CBL: variants seen among roughly 807,000 people sequenced by gnomAD.
The protein encoded by CBL is E3 ubiquitin-protein ligase CBL.
Under a neutral mutation model 96.9 loss-of-function variants are expected in CBL, and 45 were observed. The ratio of observed to expected loss-of-function variants is 0.46; its 90% CI spans 0.37 to 0.60. The LOEUF (loss-of-function observed/expected upper bound fraction) is 0.60. CBL is among the 20% of genes least tolerant of loss of function. The pLI, the probability that CBL is intolerant of heterozygous loss-of-function variation, is 0.00. For synonymous variants in CBL, 420 were observed against 426.8 expected, an observed-to-expected ratio of 0.98 and a Z score of 0.20; for missense variants, 1,024 against 1,143.5, an observed-to-expected ratio of 0.90 and a Z score of 1.51.
chr11:119,236,033 G>GT (rs966378244), intron 2 of CBL, among the ~76,000 whole-genome samples: 180 of 151,268 alleles, frequency 1.2e-3, no homozygotes, highest in African/African-American at 3.7e-3. Context: ...TTACTTAGAG[G>GT]TTTTTTTTTC....
intron 2 of CBL, among the ~76,000 whole-genome samples, chr11:119,252,884 GAAAAA>G (rs760152540): frequency 1.5e-5 from 1 of 68,586 alleles, no homozygotes; most frequent in Non-Finnish European, 3.2e-5. Flanking sequence ...TCCATCTCAA[GAAAAA>G]AAAAAAAAAA....
chr11:119,227,633 C>T (rs1354129193), intron 1 of CBL, among the ~76,000 whole-genome samples: 3 of 151,980 alleles, frequency 2.0e-5, no homozygotes, highest in Non-Finnish European at 4.4e-5. Context: ...TCAACGCAAC[C>T]TCTGCCTCCC....
chr11:119,288,964 T>C (rs1248583736), intron 12 of CBL, among the ~76,000 whole-genome samples: 1 of 152,222 alleles, frequency 6.6e-6, no homozygotes, highest in Non-Finnish European at 1.5e-5. Flanking sequence ...ACTTTTTCTA[T>C]GTGTAATTTC....
intron 2 of CBL, among the ~76,000 whole-genome samples, chr11:119,260,959 T>TTTTTTTTTTTTA (rs57372947): frequency 2.0e-5 from 3 of 149,024 alleles, no homozygotes; most frequent in Admixed American, 6.7e-5. Flanking sequence ...TTTTTTTTTT[T>TTTTTTTTTTTTA]AATGGAGGCA....
At chr11:119,212,933 A>G (rs569026497) in intron 1 of CBL, among the ~76,000 whole-genome samples, 26 of 151,178 alleles carry the variant, frequency 1.7e-4, no homozygotes, top group Non-Finnish European at 3.4e-4. Flanking sequence ...AGATCATGCT[A>G]CTGACCTCCA....
intron 2 of CBL, among the ~76,000 whole-genome samples, chr11:119,234,667 A>G (rs1159429203): frequency 6.6e-6 from 1 of 152,202 alleles, no homozygotes; most frequent in Non-Finnish European, 1.5e-5. Flanking sequence ...GCACAGTGAC[A>G]TGCACCTGTA....
At chr11:119,279,941 A>G (rs1949920721) in intron 9 of CBL, among the ~76,000 whole-genome samples, 1 of 152,242 alleles carries the variant, frequency 6.6e-6, no homozygotes, top group South Asian at 2.1e-4. Flanking sequence ...GGAAAAGGAC[A>G]TATGTGCAGG....
intron 2 of CBL, among the ~76,000 whole-genome samples, chr11:119,262,288 A>C (rs1238560430): frequency 6.6e-6 from 1 of 152,222 alleles, no homozygotes; most frequent in African/African-American, 2.4e-5. Flanking sequence ...AGAGGAGACT[A>C]AGGAGATAGG....
chr11:119,222,090 G>A (rs995566211), intron 1 of CBL, among the ~76,000 whole-genome samples: 5 of 152,106 alleles, frequency 3.3e-5, no homozygotes, highest in African/African-American at 1.2e-4. Context: ...TGTTTTTGTA[G>A]CATAAAACTA....
At chr11:119,224,149 C>G (rs1272570104) in intron 1 of CBL, among the ~76,000 whole-genome samples, 1 of 152,086 alleles carries the variant, frequency 6.6e-6, no homozygotes, top group Non-Finnish European at 1.5e-5. Flanking sequence ...ACAAATAACA[C>G]TTGTGGAGGG....
chr11:119,219,240 A>G (rs1293589792), intron 1 of CBL, among the ~76,000 whole-genome samples: 1 of 151,900 alleles, frequency 6.6e-6, no homozygotes, highest in Non-Finnish European at 1.5e-5. Flanking sequence ...TTAGCCAGGT[A>G]TGGAGGCGGG....
Position 119,303,568 on chromosome 11 carries a change from C to G in CBL, c.*3787C>G, listed in dbSNP as rs979187883. 6 of 233,730 alleles carry G rather than the reference C, an allele frequency of 2.6e-5. No individual in the cohort carries two copies. In the Admixed American group the frequency reaches 3.4e-4, roughly 13 times the overall value. 14.5% of individuals were successfully genotyped at this position (233,730 alleles called of 1,614,324 possible). ...TCACAGCTCTTCCATGTAGACTTAC[C>G]TTTCCTCATAGAGCTATCCTGGTTA... On this transcript the variant is annotated 3_prime_UTR_variant, in exon 16 of 16. Coordinates refer to ENST00000264033, the MANE Select transcript of CBL (RefSeq NM_005188.4).
intron 9 of CBL, among the ~76,000 whole-genome samples, chr11:119,281,599 A>G (rs1210532990): frequency 1.3e-5 from 2 of 148,426 alleles, no homozygotes; most frequent in East Asian, 2.0e-4. Flanking sequence ...GGTTCACACC[A>G]TTCTCCTGCC....
intron 12 of CBL, among the ~76,000 whole-genome samples, chr11:119,293,267 C>T (rs1950042030): frequency 6.6e-6 from 1 of 152,036 alleles, no homozygotes; most frequent in Non-Finnish European, 1.5e-5. Context: ...ACCACCACGT[C>T]TGGCTAATTT....
At chr11:119,222,295 A>G (rs1010031621) in intron 1 of CBL, among the ~76,000 whole-genome samples, 2 of 152,214 alleles carry the variant, frequency 1.3e-5, no homozygotes, top group Non-Finnish European at 2.9e-5. Flanking sequence ...TGTTCTCTAT[A>G]ACTTTTTGCT....
chr11:119,249,486 C>G (rs1025075238), intron 2 of CBL, among the ~76,000 whole-genome samples: 29 of 146,554 alleles, frequency 2.0e-4, no homozygotes, highest in African/African-American at 6.4e-4. Flanking sequence ...ACCCAGGAAG[C>G]AGGGTTCGCA....
chr11:119,284,608 A>G (rs1328869977), intron 9 of CBL, among the ~76,000 whole-genome samples: 2 of 152,112 alleles, frequency 1.3e-5, no homozygotes, highest in Admixed American at 6.6e-5. Context: ...CCTATTTTTA[A>G]TCTTGAAAAG....
At chr11:119,217,142 AGT>A (rs1949368477) in intron 1 of CBL, among the ~76,000 whole-genome samples, 1 of 152,076 alleles carries the variant, frequency 6.6e-6, no homozygotes, top group Non-Finnish European at 1.5e-5. Context: ...TCTGAGACAC[AGT>A]TTCACTCTTG....
At chr11:119,287,570 A>G (rs1193183644) in intron 11 of CBL, among the ~76,000 whole-genome samples, 1 of 152,212 alleles carries the variant, frequency 6.6e-6, no homozygotes. Flanking sequence ...TAAGATACTA[A>G]TGGTATTTGT....
Sources: allele counts gnomAD v4.1 joint callset (sites outside exome capture counted in the v4.1 genomes callset), GRCh38; gene constraint gnomAD v4.1.1; transcripts MANE v1.5; gene names NCBI Gene and HGNC (gene_info 2026-07-23, HGNC 2026-07-21).